Variants in SETX observed in about 807,000 individuals in gnomAD.
SETX encodes helicase senataxin.
A neutral mutation model predicts 227.2 loss-of-function variants in SETX; 90 were observed. The ratio of observed to expected loss-of-function variants is 0.40; its 90% CI spans 0.33 to 0.47. The LOEUF is 0.47. SETX is among the 20% of genes least tolerant of loss of function. The pLI is 0.91. For missense variants in SETX, 3,052 were observed against 3,181.5 expected (o/e 0.96, Z 0.98); for synonymous variants, 1,210 against 1,113.2 (o/e 1.09, Z -1.73).
Position 132,331,288 on chromosome 9 carries a change from G to A in SETX, c.999C>T (p.Asn333=), listed in dbSNP as rs1180316139. ...SYNREIRHIR[N]SSVRTKLEPE... is the part of the protein sequence containing the mutation. Reference sequence around the variant, plus strand: ...TTAGCTGAACTAACCTTACAGAGCTGTTCCGTATATGTCGGATCTCTCTAT... The same window carrying A: ...TTAGCTGAACTAACCTTACAGAGCTATTCCGTATATGTCGGATCTCTCTAT... Residue 333 remains asparagine (N), a synonymous_variant, in exon 8 of 26, where the codon AAC becomes AAT. Coordinates refer to ENST00000224140, the MANE Select transcript of SETX (RefSeq NM_015046.7). 1 of 1,613,974 alleles carries A rather than the reference G, an allele frequency of 6.2e-7. No individual in the cohort carries two copies. The highest frequency in any genetic ancestry group is 1.3e-5 in the African/African-American group (1 of 74,912).
At chr9:132,314,631 C>A (rs1193694869) in intron 10 of SETX, among the ~76,000 whole-genome samples, 1 of 152,100 alleles carries the variant, frequency 6.6e-6, no homozygotes, top group Non-Finnish European at 1.5e-5. Context: ...CAGACATGAA[C>A]GACAGATATC....
Position 132,300,771 on chromosome 9 carries a change from GC to G in SETX, c.5406del (p.Gln1802HisfsTer12), listed in dbSNP as rs1469288202. The G allele has an allele frequency of 5.0e-6, 8 of 1,613,226 alleles. No homozygotes were observed. Among genetic ancestry groups the G allele is most frequent in the Non-Finnish European group, 5.9e-6 (7 of 1,179,856 alleles). ...VYLEECELAK[Q>X]LYPKENDLVF... is the part of the protein sequence containing the mutation. ...ACCAAATCGTTTTCCTTTGGATAAA[GC>G]TGTTTAGCCAGTTCACATTCTTCCA... On this transcript the variant is annotated frameshift_variant, in exon 12 of 26. Transcript: ENST00000224140. LOFTEE classifies it high-confidence loss of function.
Position 132,300,800 on chromosome 9 carries a change from TA to T in SETX, c.5377del (p.Tyr1793IlefsTer21). ...DYIKYWEFAV[Y>X]LEECELAKQL... Reference sequence around the variant, plus strand: ...TTTAGCCAGTTCACATTCTTCCAGATAAACTATGAAACAAGAAGAAGTCGGA... The same window carrying T: ...TTTAGCCAGTTCACATTCTTCCAGATAACTATGAAACAAGAAGAAGTCGGA... On this transcript the variant is annotated frameshift_variant and splice_region_variant, in exon 12 of 26. Coordinates refer to ENST00000224140, the MANE Select transcript of SETX (RefSeq NM_015046.7). LOFTEE classifies it high-confidence loss of function. 6.2e-7 allele frequency: 1 copy of T among 1,612,508 alleles called. No homozygotes were observed.
chr9:132,322,046 TGCTGGGTTTTACCCTGCTATGGC>T (rs1206978236), intron 10 of SETX, among the ~76,000 whole-genome samples: 1 of 152,154 alleles, frequency 6.6e-6, no homozygotes, highest in Non-Finnish European at 1.5e-5. Context: ...ATGAAACTAA[TGCTGGGTTTTACCCTGCTATGGC>T]GCCCTTCAGA....
At chr9:132,340,997 A>G (rs1038365266) in intron 5 of SETX, among the ~76,000 whole-genome samples, 3 of 152,094 alleles carry the variant, frequency 2.0e-5, no homozygotes, top group Non-Finnish European at 2.9e-5. Context: ...CAGAGTGAAA[A>G]GGAATTCACA....
At position 132,348,368 on chromosome 9, in the gene SETX, A is replaced by AC. The variant is rs1306349747; in HGVS notation, c.177+883_177+884insG. Among the ~76,000 whole-genome samples the AC allele has an allele frequency of 6.8e-4, 35 of 51,764 alleles. 4 individuals carry two copies. Among genetic ancestry groups the AC allele is most frequent in the Non-Finnish European group, 1.0e-3 (27 of 26,580 alleles). 34.0% of individuals were successfully genotyped at this position (51,764 alleles called of 152,430 possible). A position where few individuals can be genotyped will look rare whatever the true frequency, so the allele number is the denominator to read the frequency against. ...AGAGAGTGAGACTCTGTCTCAAAAA[A>AC]AAAACAAAACAAAAAAAAAACAACC... On this transcript the variant is annotated intron_variant, in intron 3 of 25. Coordinates refer to ENST00000224140, the MANE Select transcript of SETX (RefSeq NM_015046.7).
chr9:132,281,657 A>G, intron 19 of SETX, 83 bp from the exon 20 acceptor site: 1 of 1,004,582 alleles, frequency 1.0e-6, no homozygotes, highest in South Asian at 1.3e-5. Context: ...AGTTCTAACC[A>G]TTCAGAAAAG....
chr9:132,270,400 C>T (rs564398131), intron 24 of SETX, among the ~76,000 whole-genome samples: 1 of 151,706 alleles, frequency 6.6e-6, no homozygotes, highest in Non-Finnish European at 1.5e-5. Context: ...ACTCAGCATG[C>T]CAGTGAGACA....
At chr9:132,331,547 A>G in intron 7 of SETX, 99 bp from the exon 8 acceptor site, 1 of 1,307,058 alleles carries the variant, frequency 7.7e-7, no homozygotes, top group Non-Finnish European at 1.1e-6. Flanking sequence ...GTGAGTAGCA[A>G]CCCAACTAAA....
In SETX at chr9:132,326,636, ATTC is replaced by A. The variant is rs752372538; in HGVS notation, c.4959_4961del (p.Lys1653del). On this transcript the variant is annotated inframe_deletion, in exon 10 of 26. Coordinates refer to ENST00000224140, the MANE Select transcript of SETX (RefSeq NM_015046.7). The stretch of plus-strand genomic sequence containing the variant: ...ACTGAGGATGAAGAACATTGCACGA[ATTC>A]TTCATTTCACCAACTGGCTTCTGAG... 11 of 1,613,826 alleles carry A rather than the reference ATTC, an allele frequency of 6.8e-6. No individual in the cohort carries two copies. The highest frequency in any genetic ancestry group is 5.0e-5 in the Admixed American group (3 of 60,010).
chr9:132,271,727 G>A lies in SETX; in HGVS notation c.7182C>T (p.Ser2394=). 5 of 1,613,798 alleles carry A rather than the reference G, an allele frequency of 3.1e-6. No homozygotes were observed. The highest frequency in any genetic ancestry group is 4.2e-6 in the Non-Finnish European group (5 of 1,179,718). The part of the protein sequence containing the change: ...CVIVTCVRAN[S]IQGSIGFLAS... The stretch of plus-strand genomic sequence containing the variant: ...TAACTCACCCAATTGAACCTTGGAT[G>A]CTATTTGCTCTGACACACGTAACAA... Residue 2394 remains serine (S), a synonymous_variant, in exon 24 of 26, where the codon AGC becomes AGT. Transcript: ENST00000224140.
intron 25 of SETX, among the ~76,000 whole-genome samples, chr9:132,268,301 A>T (rs1278696269): frequency 6.6e-6 from 1 of 152,236 alleles, no homozygotes; most frequent in East Asian, 1.9e-4. Flanking sequence ...ACTTTAGCCC[A>T]GGAGTTTGAG....
upstream of SETX, among the ~76,000 whole-genome samples, chr9:132,355,865 T>TA (rs1336039384): frequency 6.6e-6 from 1 of 151,706 alleles, no homozygotes; most frequent in Admixed American, 6.6e-5. Context: ...CGGGTGCCTG[T>TA]AATCCCAGCT....
chr9:132,328,623 T>C lies in SETX; in HGVS notation c.2975A>G (p.Lys992Arg), dbSNP rs61742937. The C allele has an allele frequency of 0.014, 23,388 of 1,613,490 alleles. 252 individuals carry two copies. The highest frequency in any genetic ancestry group is 0.015 in the Non-Finnish European group (17,810 of 1,179,732). The change falls in exon 10 of 26, where the codon AAA becomes AGA. Residue 992 changes from lysine to arginine, a missense_variant. Physicochemically the swap from Lys to Arg is conservative, Grantham distance 26 (BLOSUM62 2). Coordinates refer to ENST00000224140, the MANE Select transcript of SETX (RefSeq NM_015046.7). ...AGCTGTGAAACATCTTTTATCTTCT[T>C]TTACTTTCCTTTGCAGCTGCGATGA... is the stretch of plus-strand genomic sequence containing the variant. ...QNSSQLQRKVKEDKRCFTANQ... is the reference protein window; with the variant it reads ...QNSSQLQRKVREDKRCFTANQ...
At chr9:132,333,332 C>T (rs146980606) in intron 7 of SETX, among the ~76,000 whole-genome samples, 2,004 of 146,670 alleles carry the variant, frequency 0.014, 15 homozygotes, top group Middle Eastern at 0.018. Context: ...TAGCCAAGAT[C>T]GCACCACTGC....
chr9:132,328,185 A>G lies in SETX; in HGVS notation c.3413T>C (p.Ile1138Thr), dbSNP rs755966630. ...SEVVKKGAEG[I>T]EEHTRPRSIS... ...ACTCCGTGGTCTTGTGTGTTCTTCA[A>G]TGCCCTCTGCTCCTTTTTTAACAAC... Residue 1138 changes from isoleucine (I) to threonine (T), a missense_variant, in exon 10 of 26, where the codon ATT (isoleucine) becomes ACT (threonine). Ile to Thr is a moderately conservative substitution (Grantham distance 89). This residue lies in a region of SETX where 1,483 missense variants were observed against 1,312.0 expected (regional missense o/e 1.13). Coordinates refer to ENST00000224140, the MANE Select transcript of SETX (RefSeq NM_015046.7). 24 of 1,614,044 alleles carry G rather than the reference A, an allele frequency of 1.5e-5. No individual in the cohort carries two copies. Among genetic ancestry groups the G allele is most frequent in the South Asian group, 1.1e-4 (10 of 91,082 alleles).
At chr9:132,313,252 T>C (rs1446050684) in intron 10 of SETX, among the ~76,000 whole-genome samples, 1 of 152,172 alleles carries the variant, frequency 6.6e-6, no homozygotes, top group African/African-American at 2.4e-5. Flanking sequence ...TTAATAAAGC[T>C]GTTAAAATGC....
chr9:132,296,569 A>G (rs1844682175), intron 14 of SETX, among the ~76,000 whole-genome samples: 1 of 152,038 alleles, frequency 6.6e-6, no homozygotes, highest in South Asian at 2.1e-4. Context: ...TCAAAAAAAA[A>G]AAACAAAAAA....
At chr9:132,315,602 T>G (rs972844083) in intron 10 of SETX, among the ~76,000 whole-genome samples, 4 of 152,312 alleles carry the variant, frequency 2.6e-5, no homozygotes, top group Admixed American at 1.3e-4. Context: ...GTGCCCCCTT[T>G]TTCCTGCTCC....
Sources: gnomAD v4.1 joint callset for allele counts (sites outside exome capture counted in the v4.1 genomes callset) on GRCh38, gnomAD v4.1.1 for gene constraint, gnomAD v4.1.1 regional missense constraint, MANE v1.5 for transcripts, NCBI Gene and HGNC (gene_info 2026-07-23, HGNC 2026-07-21) for gene names.